Variants in USH2A observed in about 807,000 individuals in gnomAD.
The protein encoded by USH2A is Usher syndrome 2A (autosomal recessive, mild).
USH2A carries 443 observed loss-of-function variants against 538.9 expected under a neutral mutation model. The ratio of observed to expected loss-of-function variants is 0.82; its 90% CI spans 0.76 to 0.89. The LOEUF (loss-of-function observed/expected upper bound fraction) is 0.89. Among genes scored for constraint, USH2A ranks in the 40% least tolerant of loss-of-function variants. The probability of loss-of-function intolerance (pLI) is 0.00; values close to 1 mark genes in which losing one functional copy is unlikely to be tolerated. For synonymous variants in USH2A, 2,413 were observed against 2,273.5 expected (o/e 1.06, Z -1.75); for missense variants, 6,633 against 6,324.8 (o/e 1.05, Z -1.65).
chr1:215,823,987 T>A (rs1310011769), intron 47 of USH2A, among the ~76,000 whole-genome samples: 2 of 152,136 alleles, frequency 1.3e-5, no homozygotes, highest in Non-Finnish European at 2.9e-5. Context: ...TTTGAATTCT[T>A]GGTCATAGAG....
chr1:216,159,339 G>A (rs879558071), intron 21 of USH2A, among the ~76,000 whole-genome samples: 1 of 152,050 alleles, frequency 6.6e-6, no homozygotes, highest in Non-Finnish European at 1.5e-5. Context: ...TTATTAGGAT[G>A]TGTTCTTTCA....
At chr1:215,949,275 T>A (rs1666851962) in intron 37 of USH2A, among the ~76,000 whole-genome samples, 1 of 152,010 alleles carries the variant, frequency 6.6e-6, no homozygotes, top group African/African-American at 2.4e-5. Flanking sequence ...AACAAAACTT[T>A]AATGGAGATA....
intron 58 of USH2A, among the ~76,000 whole-genome samples, chr1:215,746,887 A>G (rs1167376732): frequency 6.6e-6 from 1 of 152,212 alleles, no homozygotes; most frequent in East Asian, 1.9e-4. Flanking sequence ...TGGGAAACAC[A>G]GGATTTCCCT....
chr1:216,224,456 T>C (rs144623085), intron 14 of USH2A, among the ~76,000 whole-genome samples: 15 of 152,342 alleles, frequency 9.8e-5, no homozygotes, highest in African/African-American at 3.6e-4. Flanking sequence ...ATGTTTGCTT[T>C]ATGTGTCAGA....
At chr1:215,909,222 A>G in intron 38 of USH2A, among the ~76,000 whole-genome samples, 1 of 151,882 alleles carries the variant, frequency 6.6e-6, no homozygotes. Context: ...GAGATGAAAG[A>G]CAAAAAAAGA....
Position 216,316,905 on chromosome 1 carries a change from G to T in USH2A, c.1644+4978C>A, listed in dbSNP as rs1042116062. Among the ~76,000 whole-genome samples, 2 of 152,114 alleles carry T rather than the reference G, an allele frequency of 1.3e-5. 1 individual carries two copies. The highest frequency in any genetic ancestry group is 1.3e-4 in the Admixed American group (2 of 15,262). Reference sequence around the variant, plus strand: ...CCTGGCAACAACTCGCTAACTCAGGGTTCTTTGCCCAGTTTTTAATGGGGT... The same window carrying T: ...CCTGGCAACAACTCGCTAACTCAGGTTTCTTTGCCCAGTTTTTAATGGGGT... On this transcript the variant is annotated intron_variant, in intron 9 of 71. Transcript: ENST00000307340.
chr1:216,253,760 T>C (rs2036207773), intron 11 of USH2A, among the ~76,000 whole-genome samples: 1 of 152,212 alleles, frequency 6.6e-6, no homozygotes. Context: ...AACAAACAAA[T>C]TGTAGTCGTT....
At chr1:215,770,778 T>G (rs1210330415) in intron 55 of USH2A, among the ~76,000 whole-genome samples, 1 of 151,478 alleles carries the variant, frequency 6.6e-6, no homozygotes, top group African/African-American at 2.4e-5. Flanking sequence ...GCACAGAAAG[T>G]TGGAGGAAAG....
In USH2A at chr1:215,877,638, C is replaced by T. The variant is rs56301415; in HGVS notation, c.8681+120G>A. 70,977 of 1,472,168 alleles carry T rather than the reference C, an allele frequency of 0.048. 2,218 individuals are homozygous for T. The highest frequency in any genetic ancestry group is 0.13 in the East Asian group (5,772 of 43,468). 91.2% of individuals were successfully genotyped at this position (1,472,168 alleles called of 1,614,324 possible). A position where few individuals can be genotyped will look rare whatever the true frequency, so the allele number is the denominator to read the frequency against. The stretch of plus-strand genomic sequence containing the variant: ...ATTAATGCCACAGATAATAACCAAA[C>T]ATGTTTTATTGCATAACTGATAACA... On this transcript the variant is annotated intron_variant, in intron 43 of 71. Transcript: ENST00000307340.
chr1:215,787,102 G>A (rs1021453381), intron 51 of USH2A, among the ~76,000 whole-genome samples: 2 of 152,122 alleles, frequency 1.3e-5, no homozygotes, highest in African/African-American at 4.8e-5. Flanking sequence ...CAGCTTCCCA[G>A]CTCTGTAACC....
At chr1:216,344,025 C>A (rs1349932673) in intron 4 of USH2A, among the ~76,000 whole-genome samples, 1 of 152,082 alleles carries the variant, frequency 6.6e-6, no homozygotes, top group South Asian at 2.1e-4. Flanking sequence ...TATGGACTCA[C>A]CTTGAATTCT....
rs1299835668 is a variant in USH2A at position 216,119,670 on chromosome 1, T to C, written c.4628-22457A>G. 2.6e-5 allele frequency among the ~76,000 whole-genome samples: 4 copies of C among 152,288 alleles called. No homozygotes were observed. In the East Asian group the frequency reaches 7.7e-4, roughly 29 times the overall value. On this transcript the variant is annotated intron_variant, in intron 21 of 71. Coordinates refer to ENST00000307340, the MANE Select transcript of USH2A (RefSeq NM_206933.4). ...ATTTTGACAAGATAATTAAACAAAA[T>C]TGAGCATGTATATCATTTCACTGCC...
chr1:216,304,024 C>T (rs189188000), intron 9 of USH2A, among the ~76,000 whole-genome samples: 237 of 151,772 alleles, frequency 1.6e-3, no homozygotes, highest in Non-Finnish European at 2.9e-3. Flanking sequence ...TGATACATTC[C>T]TGATAGATTA....
At chr1:216,237,692 G>A (rs146257370) in intron 13 of USH2A, among the ~76,000 whole-genome samples, 25 of 152,142 alleles carry the variant, frequency 1.6e-4, no homozygotes, top group African/African-American at 5.3e-4. Context: ...AAGTTTGCAG[G>A]CAAAACCTTA....
intron 61 of USH2A, among the ~76,000 whole-genome samples, chr1:215,689,271 C>T (rs1273065380): frequency 2.0e-5 from 3 of 152,186 alleles, no homozygotes; most frequent in African/African-American, 7.2e-5. Flanking sequence ...ACATATCTCC[C>T]AAAATCCAGT....
In USH2A at chr1:215,901,891, C is replaced by A. The variant is rs79468269; in HGVS notation, c.7301-986G>T. On this transcript the variant is annotated intron_variant, in intron 38 of 71. Coordinates refer to ENST00000307340, the MANE Select transcript of USH2A (RefSeq NM_206933.4). ...CAAAACTCTGCCTTTAGGAAAATGA[C>A]CTAATGACTCCGAGCCTATATTTTC... Among the ~76,000 whole-genome samples, 247 of 152,206 alleles carry A rather than the reference C, an allele frequency of 1.6e-3. 9 individuals are homozygous for A. The East Asian group carries it at 0.042, about 26-fold the overall frequency.
At chr1:216,149,459 G>C (rs2033789663) in intron 21 of USH2A, among the ~76,000 whole-genome samples, 1 of 152,024 alleles carries the variant, frequency 6.6e-6, no homozygotes, top group South Asian at 2.1e-4. Context: ...ACGGACTAAT[G>C]GTCTTTTAAA....
chr1:215,901,622 G>C (rs115735679), intron 38 of USH2A, among the ~76,000 whole-genome samples: 282 of 152,204 alleles, frequency 1.9e-3, no homozygotes, highest in African/African-American at 6.5e-3. Context: ...CGGCAAATCT[G>C]TTCTGACTTC....
intron 38 of USH2A, among the ~76,000 whole-genome samples, chr1:215,928,548 G>T (rs1422060310): frequency 1.3e-5 from 2 of 152,116 alleles, no homozygotes; most frequent in South Asian, 2.1e-4. Flanking sequence ...AAATTATCAG[G>T]CTCCAGTAAA....
Sources: allele counts gnomAD v4.1 joint callset (sites outside exome capture counted in the v4.1 genomes callset), GRCh38; gene constraint gnomAD v4.1.1; transcripts MANE v1.5; gene names NCBI Gene and HGNC (gene_info 2026-07-23, HGNC 2026-07-21).